The following TCF12 variants were observed in gnomAD, a reference collection of about 807,000 sequenced individuals.
TCF12 encodes the protein DNA-binding protein HTF4.
In TCF12, 45 loss-of-function variants were observed where a neutral mutation model predicts 86.0. The observed-to-expected ratio is 0.52, with a 90% CI of 0.41 to 0.67. The LOEUF is 0.67. Ranked by LOEUF, TCF12 falls within the 30% of genes least tolerant of loss-of-function variation. TCF12 has a pLI of 0.00. For missense variants in TCF12, 881 were observed against 859.9 expected, an observed-to-expected ratio of 1.02 and a Z score of -0.31; for synonymous variants, 330 against 299.6, an observed-to-expected ratio of 1.10 and a Z score of -1.05.
At chr15:57,244,274 A>G (rs996863819) in intron 13 of TCF12, among the ~76,000 whole-genome samples, 2 of 152,228 alleles carry the variant, frequency 1.3e-5, no homozygotes, top group African/African-American at 4.8e-5. Flanking sequence ...CACACTTGTC[A>G]TGTACTACGG....
intron 5 of TCF12, among the ~76,000 whole-genome samples, chr15:57,101,202 T>TTTTTG (rs2049719710): frequency 1.3e-5 from 2 of 151,798 alleles, no homozygotes; most frequent in Non-Finnish European, 2.9e-5. Context: ...TGGTTTTTGT[T>TTTTTG]TTTTGTTTTG....
chr15:57,235,848 A>G (rs56393023), intron 12 of TCF12, among the ~76,000 whole-genome samples: 11,754 of 152,188 alleles, frequency 0.077, 512 homozygotes, highest in Middle Eastern at 0.14. Flanking sequence ...CTTGGCCTAC[A>G]GGCAGGCAAG....
At chr15:57,215,333 T>C (rs1375004237) in intron 8 of TCF12, among the ~76,000 whole-genome samples, 2 of 152,168 alleles carry the variant, frequency 1.3e-5, no homozygotes, top group Non-Finnish European at 2.9e-5. Context: ...TTTGAATTTG[T>C]TCAGTTGCAG....
rs147742246 is a variant in TCF12 at position 57,244,425 on chromosome 15, G to A, written c.1114+875G>A. Among the ~76,000 whole-genome samples the A allele has an allele frequency of 2.0e-4, 30 of 152,202 alleles. No individual in the cohort carries two copies. In the East Asian group the frequency reaches 5.4e-3, roughly 27 times the overall value. On this transcript the variant is annotated intron_variant, in intron 13 of 20. Transcript: ENST00000333725. Reference sequence around the variant, plus strand: ...GAGGAAAAAAACTCTCTGTGAAGGTGGATGAATATTGTTAGTGGAGATAAG... The same window carrying A: ...GAGGAAAAAAACTCTCTGTGAAGGTAGATGAATATTGTTAGTGGAGATAAG...
chr15:56,954,876 G>A (rs1595840188), intron 3 of TCF12, among the ~76,000 whole-genome samples: 2 of 152,272 alleles, frequency 1.3e-5, no homozygotes, highest in African/African-American at 2.4e-5. Flanking sequence ...AGTTAGAATG[G>A]CAATCATTAA....
rs76615852 is a variant in TCF12 at position 57,224,890 on chromosome 15, T to C, written c.580-6262T>C. ...GTTTCAGTTCTTGTGGTATTTTTAC[T>C]GGAACTATCTAAATATTTTCCCCCT... On this transcript the variant is annotated intron_variant, in intron 8 of 20. Transcript: ENST00000333725. 4.1e-4 allele frequency among the ~76,000 whole-genome samples: 63 copies of C among 152,288 alleles called. 2 individuals are homozygous for C. In the East Asian group the frequency reaches 0.012, roughly 29 times the overall value.
intron 7 of TCF12, among the ~76,000 whole-genome samples, chr15:57,193,028 C>T (rs1160323368): frequency 6.6e-6 from 1 of 152,084 alleles, no homozygotes; most frequent in Non-Finnish European, 1.5e-5. Flanking sequence ...TAACTTAATT[C>T]TTTACTAAAA....
chr15:57,267,251 G>A (rs532699094), intron 18 of TCF12, among the ~76,000 whole-genome samples: 9 of 152,250 alleles, frequency 5.9e-5, no homozygotes, highest in Non-Finnish European at 8.8e-5. Context: ...CTTAAAAGGT[G>A]TCCTTTTGCT....
At chr15:56,942,630 G>C (rs1002846514) in intron 3 of TCF12, among the ~76,000 whole-genome samples, 1 of 97,406 alleles carries the variant, frequency 1.0e-5, no homozygotes, top group Non-Finnish European at 2.0e-5. Flanking sequence ...TGAACAAGTT[G>C]CTTTAGTATC....
At chr15:56,918,496 C>T (rs2059601632), upstream of TCF12, 2 of 318,190 alleles carry the variant, frequency 6.3e-6, no homozygotes, top group Non-Finnish European at 1.2e-5. Context: ...CGACCGCGGG[C>T]TTTGTCCACC....
In TCF12 at chr15:57,252,146, T is replaced by A. The variant is rs2060145853; in HGVS notation, c.1189-275T>A. ...TCCAGGTTGCAAAGAGAAACATTCT[T>A]TTTCTGTGACTAACAAAACATTTTA... On this transcript the variant is annotated intron_variant, in intron 14 of 20. Transcript: ENST00000333725. 3 of 333,646 alleles carry A rather than the reference T, an allele frequency of 9.0e-6. No homozygotes were observed. In the South Asian group the frequency reaches 2.4e-4, roughly 27 times the overall value. 20.7% of individuals were successfully genotyped at this position (333,646 alleles called of 1,614,324 possible).
chr15:57,244,768 T>C (rs1472708944), intron 13 of TCF12, among the ~76,000 whole-genome samples: 3 of 151,838 alleles, frequency 2.0e-5, no homozygotes, highest in Non-Finnish European at 4.4e-5. Flanking sequence ...CCGGCCCACA[T>C]GTTTTTTTTT....
chr15:56,967,114 T>C (rs2062041130), intron 3 of TCF12, among the ~76,000 whole-genome samples: 1 of 150,206 alleles, frequency 6.7e-6, no homozygotes, highest in Non-Finnish European at 1.5e-5. Context: ...AGAGCGAGAC[T>C]CGGTCCCCCC....
chr15:57,173,830 C>T (rs2055708977), intron 6 of TCF12, among the ~76,000 whole-genome samples: 1 of 151,794 alleles, frequency 6.6e-6, no homozygotes, highest in Non-Finnish European at 1.5e-5. Context: ...GCCTTAGCCT[C>T]CTGAGTAGCT....
chr15:57,063,607 C>A, intron 3 of TCF12, 143 bp from the exon 4 acceptor site: 1 of 520,376 alleles, frequency 1.9e-6, no homozygotes. Flanking sequence ...TTATATTTTA[C>A]AGGTTTCTGA....
At chr15:57,038,166 G>C (rs868678149) in intron 3 of TCF12, among the ~76,000 whole-genome samples, 1 of 152,090 alleles carries the variant, frequency 6.6e-6, no homozygotes, top group Non-Finnish European at 1.5e-5. Context: ...TGGGGCAGGC[G>C]TGGCGGCTCA....
intron 19 of TCF12, among the ~76,000 whole-genome samples, chr15:57,277,420 A>G (rs1318488831): frequency 6.6e-6 from 1 of 151,620 alleles, no homozygotes; most frequent in Non-Finnish European, 1.5e-5. Context: ...CATGAGGTCA[A>G]GAGATCGAGA....
chr15:57,208,201 T>G (rs909844880), intron 8 of TCF12, among the ~76,000 whole-genome samples: 2 of 151,238 alleles, frequency 1.3e-5, no homozygotes, highest in Non-Finnish European at 2.9e-5. Context: ...CCCAGCTAAT[T>G]TTTTTGTAAT....
At position 57,048,953 on chromosome 15, in the gene TCF12, C is replaced by T. The variant is rs76464090; in HGVS notation, c.149-14797C>T. On this transcript the variant is annotated intron_variant, in intron 3 of 20. Coordinates refer to ENST00000333725, the MANE Select transcript of TCF12 (RefSeq NM_207037.2). ...AATGGAGGGCTTCCAGCATTGAACA[C>T]TTACTTCTCCAGCTGCTGGAAGTGT... 1.6e-4 allele frequency among the ~76,000 whole-genome samples: 24 copies of T among 152,252 alleles called. 1 individual carries two copies. The East Asian group carries it at 4.5e-3, about 28-fold the overall frequency.
Sources: allele counts gnomAD v4.1 joint callset (sites outside exome capture counted in the v4.1 genomes callset), GRCh38; gene constraint gnomAD v4.1.1; transcripts MANE v1.5; gene names NCBI Gene and HGNC (gene_info 2026-07-23, HGNC 2026-07-21).